The following LRP1B variants were observed in gnomAD, a reference collection of about 807,000 sequenced individuals.
LRP1B encodes low-density lipoprotein receptor-related protein 1B.
A neutral mutation model predicts 556.6 loss-of-function variants in LRP1B; 217 were observed. The ratio of observed to expected loss-of-function variants is 0.39; its 90% CI spans 0.35 to 0.44. LRP1B has a LOEUF of 0.44. Ranked by LOEUF, LRP1B falls within the 20% of genes least tolerant of loss-of-function variation. The pLI is 1.00. For synonymous variants in LRP1B, 2,047 were observed against 1,865.8 expected (o/e 1.10, Z -2.50); for missense variants, 5,053 against 5,620.8 (o/e 0.90, Z 3.23).
intron 7 of LRP1B, among the ~76,000 whole-genome samples, chr2:141,152,503 C>T (rs939651243): frequency 6.6e-6 from 1 of 151,790 alleles, no homozygotes; most frequent in Non-Finnish European, 1.5e-5. Flanking sequence ...GTAAACATGC[C>T]AGTAAATAGA....
chr2:141,647,462 C>T (rs908206376), intron 2 of LRP1B, among the ~76,000 whole-genome samples: 1 of 152,136 alleles, frequency 6.6e-6, no homozygotes, highest in African/African-American at 2.4e-5. Context: ...AGCAACATTG[C>T]TTCTATGGTG....
Position 140,508,773 on chromosome 2 carries a change from G to T in LRP1B, c.8398+1155C>A, listed in dbSNP as rs550029097. 8.5e-5 allele frequency among the ~76,000 whole-genome samples: 13 copies of T among 152,208 alleles called. No homozygotes were observed. The East Asian group carries it at 2.5e-3, about 29-fold the overall frequency. On this transcript the variant is annotated intron_variant, in intron 52 of 90. Transcript: ENST00000389484. Reference sequence around the variant, plus strand: ...GAGTACAATTTGCTGCATTTTAACGGAATGTACTTAATAGTACCCTTGTGG... The same window carrying T: ...GAGTACAATTTGCTGCATTTTAACGTAATGTACTTAATAGTACCCTTGTGG...
intron 79 of LRP1B, among the ~76,000 whole-genome samples, chr2:140,328,205 G>A (rs1374328249): frequency 1.3e-5 from 2 of 151,922 alleles, no homozygotes; most frequent in African/African-American, 4.8e-5. Flanking sequence ...GTCACTAGGA[G>A]CACAGAAAAT....
intron 1 of LRP1B, among the ~76,000 whole-genome samples, chr2:141,948,496 G>C (rs1025917216): frequency 2.0e-5 from 3 of 151,806 alleles, no homozygotes; most frequent in Non-Finnish European, 4.4e-5. Flanking sequence ...TGAGTTTCAA[G>C]AGCTTGCAAA....
At chr2:140,534,524 T>A (rs2104996382) in intron 46 of LRP1B, among the ~76,000 whole-genome samples, 1 of 152,282 alleles carries the variant, frequency 6.6e-6, no homozygotes, top group South Asian at 2.1e-4. Context: ...ATCCTTTGCA[T>A]CTATCTGCAA....
At chr2:140,351,313 G>A (rs1681949114) in intron 76 of LRP1B, among the ~76,000 whole-genome samples, 1 of 151,872 alleles carries the variant, frequency 6.6e-6, no homozygotes, top group South Asian at 2.1e-4. Flanking sequence ...TTTATGAAGA[G>A]AGATTATTAT....
chr2:141,758,690 C>G (rs545085472), intron 2 of LRP1B, among the ~76,000 whole-genome samples: 20 of 152,010 alleles, frequency 1.3e-4, no homozygotes, highest in Non-Finnish European at 2.8e-4. Flanking sequence ...AAAAGGAAAA[C>G]TCTTGCCATT....
intron 2 of LRP1B, among the ~76,000 whole-genome samples, chr2:141,756,592 C>A (rs954550724): frequency 4.7e-5 from 7 of 148,894 alleles, no homozygotes; most frequent in Non-Finnish European, 8.9e-5. Flanking sequence ...CAATCTTATG[C>A]CAAATAACAT....
chr2:140,600,113 T>C (rs1682595574), intron 42 of LRP1B, among the ~76,000 whole-genome samples: 1 of 152,246 alleles, frequency 6.6e-6, no homozygotes, highest in South Asian at 2.1e-4. Flanking sequence ...TAATAAATAA[T>C]TACAGGATAA....
intron 2 of LRP1B, among the ~76,000 whole-genome samples, chr2:141,676,624 A>G (rs951221872): frequency 2.0e-5 from 3 of 152,260 alleles, no homozygotes; most frequent in South Asian, 2.1e-4. Context: ...TTCCTGAGCC[A>G]GCAGTTAGAA....
At chr2:142,089,971 A>G (rs1432342695) in intron 1 of LRP1B, among the ~76,000 whole-genome samples, 4 of 152,164 alleles carry the variant, frequency 2.6e-5, no homozygotes, top group Non-Finnish European at 4.4e-5. Context: ...TAGCTTCATC[A>G]TATATCCAAA....
At chr2:140,561,637 G>A (rs1401253769) in intron 43 of LRP1B, among the ~76,000 whole-genome samples, 1 of 151,890 alleles carries the variant, frequency 6.6e-6, no homozygotes, top group Non-Finnish European at 1.5e-5. Flanking sequence ...TTGTTTCAAG[G>A]ATGAATTGTC....
chr2:141,392,401 C>T (rs1000917563), intron 3 of LRP1B, among the ~76,000 whole-genome samples: 1 of 146,486 alleles, frequency 6.8e-6, no homozygotes, highest in African/African-American at 2.5e-5. Flanking sequence ...AAAAACAAAT[C>T]ATCCTGCCTA....
Position 140,288,508 on chromosome 2 carries a change from G to C in LRP1B, c.12967+9300C>G, listed in dbSNP as rs537300012. Among the ~76,000 whole-genome samples, 57 of 151,960 alleles carry C rather than the reference G, an allele frequency of 3.8e-4. 1 individual carries two copies. The South Asian group carries it at 0.011, about 30-fold the overall frequency. ...TAAATTTACATTTGAACTTTTAAAAGTGATGTTAGCAGACGCATTTAACTA... is the reference window on the plus strand; with the variant it reads ...TAAATTTACATTTGAACTTTTAAAACTGATGTTAGCAGACGCATTTAACTA... On this transcript the variant is annotated intron_variant, in intron 84 of 90. Transcript: ENST00000389484.
intron 1 of LRP1B, among the ~76,000 whole-genome samples, chr2:142,038,112 A>T (rs1019278417): frequency 2.6e-5 from 4 of 151,514 alleles, no homozygotes; most frequent in Non-Finnish European, 5.9e-5. Context: ...AACACTTTTG[A>T]TCTTAAGTTT....
At chr2:140,798,256 A>C (rs946001949) in intron 32 of LRP1B, among the ~76,000 whole-genome samples, 1 of 152,196 alleles carries the variant, frequency 6.6e-6, no homozygotes, top group African/African-American at 2.4e-5. Flanking sequence ...ATCAGTAAAC[A>C]AATCAAAATT....
At chr2:141,030,741 T>C (rs986081927) in intron 11 of LRP1B, among the ~76,000 whole-genome samples, 1 of 152,078 alleles carries the variant, frequency 6.6e-6, no homozygotes, top group Non-Finnish European at 1.5e-5. Flanking sequence ...AAATATAGCA[T>C]ACTATACTAC....
intron 84 of LRP1B, among the ~76,000 whole-genome samples, chr2:140,280,300 G>GA (rs1682862091): frequency 6.6e-6 from 1 of 151,738 alleles, no homozygotes; most frequent in African/African-American, 2.4e-5. Flanking sequence ...GTGATAGATG[G>GA]AAAATGACAG....
At chr2:140,294,493 CAG>C (rs1168894022) in intron 84 of LRP1B, among the ~76,000 whole-genome samples, 6 of 152,140 alleles carry the variant, frequency 3.9e-5, no homozygotes, top group African/African-American at 1.4e-4. Context: ...TAAAAATGAT[CAG>C]AGTCAGAAGA....
Sources: gnomAD v4.1 joint callset for allele counts (sites outside exome capture counted in the v4.1 genomes callset) on GRCh38, gnomAD v4.1.1 for gene constraint, MANE v1.5 for transcripts, NCBI Gene and HGNC (gene_info 2026-07-23, HGNC 2026-07-21) for gene names.